Variants in ADGRB3 observed in about 807,000 individuals in gnomAD.
ADGRB3 encodes the protein adhesion G protein-coupled receptor B3.
ADGRB3 carries 37 observed loss-of-function variants against 193.4 expected under a neutral mutation model. That is an observed-to-expected ratio of 0.19 (90% CI 0.15 to 0.25). The LOEUF (loss-of-function observed/expected upper bound fraction) is 0.25. Ranked by LOEUF, ADGRB3 falls within the 10% of genes least tolerant of loss-of-function variation. ADGRB3 has a pLI of 1.00. For synonymous variants in ADGRB3, 690 were observed against 644.2 expected (o/e 1.07, Z -1.08); for missense variants, 1,637 against 1,852.9 (o/e 0.88, Z 2.14).
At chr6:68,965,459 TG>T (rs2150260574) in intron 8 of ADGRB3, among the ~76,000 whole-genome samples, 1 of 152,196 alleles carries the variant, frequency 6.6e-6, no homozygotes, top group South Asian at 2.1e-4. Flanking sequence ...TTTTTTTGTG[TG>T]TGTGTATATC....
At chr6:68,710,852 C>T (rs913743649) in intron 3 of ADGRB3, among the ~76,000 whole-genome samples, 3 of 152,074 alleles carry the variant, frequency 2.0e-5, no homozygotes, top group Admixed American at 6.6e-5. Context: ...GGTGTGTAGT[C>T]CACAGTTTTA....
intron 13 of ADGRB3, among the ~76,000 whole-genome samples, chr6:69,045,008 A>G (rs746227596): frequency 2.0e-5 from 3 of 152,196 alleles, no homozygotes; most frequent in Non-Finnish European, 4.4e-5. Context: ...ATGTCCCTTT[A>G]TCAGCATGAG....
rs369539582 is a variant in ADGRB3, at chr6:68,648,723, C to A, written c.757+9291C>A. 7.4e-4 allele frequency among the ~76,000 whole-genome samples: 110 copies of A among 148,404 alleles called. 2 individuals are homozygous for A. In the Middle Eastern group the frequency reaches 0.014, roughly 18 times the overall value. ...GGTGGTTCATACTAGATGAGTAGTA[C>A]ACAATATTCATTTCATGACATTTCT... is the stretch of plus-strand genomic sequence containing the variant. On this transcript the variant is annotated intron_variant, in intron 3 of 31. Coordinates refer to ENST00000370598, the MANE Select transcript of ADGRB3 (RefSeq NM_001704.3).
At chr6:68,756,027 G>T (rs1414967242) in intron 3 of ADGRB3, among the ~76,000 whole-genome samples, 2 of 152,114 alleles carry the variant, frequency 1.3e-5, no homozygotes, top group African/African-American at 4.8e-5. Flanking sequence ...ATTAGGAAGA[G>T]CTTTTAGAAA....
intron 3 of ADGRB3, among the ~76,000 whole-genome samples, chr6:68,665,028 T>G (rs1768766077): frequency 6.6e-6 from 1 of 151,794 alleles, no homozygotes; most frequent in Admixed American, 6.6e-5. Flanking sequence ...AGTCACGAGA[T>G]CTCTCCCCTC....
At chr6:68,786,682 T>C (rs1044503456) in intron 3 of ADGRB3, among the ~76,000 whole-genome samples, 4 of 151,482 alleles carry the variant, frequency 2.6e-5, no homozygotes, top group African/African-American at 9.7e-5. Context: ...TTTTTCCAAT[T>C]CTGTGAAGAA....
intron 26 of ADGRB3, among the ~76,000 whole-genome samples, chr6:69,353,547 TA>T (rs70987462): frequency 0.057 from 8,632 of 152,318 alleles, 339 homozygotes; most frequent in Non-Finnish European, 0.086. Context: ...TTAAAGCTGT[TA>T]TGAAGATAAT....
At chr6:69,305,196 A>G (rs1768038796) in intron 20 of ADGRB3, among the ~76,000 whole-genome samples, 3 of 151,558 alleles carry the variant, frequency 2.0e-5, no homozygotes. Flanking sequence ...TAGGAATTTT[A>G]TTATTGAAAA....
intron 3 of ADGRB3, among the ~76,000 whole-genome samples, chr6:68,898,913 T>C (rs1327113977): frequency 6.6e-6 from 1 of 152,162 alleles, no homozygotes; most frequent in East Asian, 1.9e-4. Flanking sequence ...GTCTAAAATT[T>C]GTCACAACAA....
intron 20 of ADGRB3, among the ~76,000 whole-genome samples, chr6:69,254,523 A>G (rs1217816133): frequency 6.6e-6 from 1 of 152,106 alleles, no homozygotes. Context: ...AGTATGTAGC[A>G]TAACTATCTT....
chr6:68,920,035 C>CA (rs1453419052), intron 3 of ADGRB3, among the ~76,000 whole-genome samples: 12 of 152,036 alleles, frequency 7.9e-5, no homozygotes, highest in African/African-American at 2.9e-4. Flanking sequence ...GGCGGTAACT[C>CA]AGAGCATCCA....
At chr6:69,025,091 CAAAA>C (rs66494212) in intron 13 of ADGRB3, among the ~76,000 whole-genome samples, 13 of 141,422 alleles carry the variant, frequency 9.2e-5, no homozygotes, top group East Asian at 4.2e-4. Flanking sequence ...GACTCCGTCT[CAAAA>C]AAAAAAAAAA....
intron 17 of ADGRB3, among the ~76,000 whole-genome samples, chr6:69,225,409 A>G (rs1176632722): frequency 6.6e-6 from 1 of 152,106 alleles, no homozygotes; most frequent in Non-Finnish European, 1.5e-5. Flanking sequence ...ACCATTTCTG[A>G]GTACTCTTCC....
At chr6:69,022,864 G>A (rs1770313237) in intron 13 of ADGRB3, among the ~76,000 whole-genome samples, 1 of 151,918 alleles carries the variant, frequency 6.6e-6, no homozygotes, top group South Asian at 2.1e-4. Context: ...GAATGACAAG[G>A]CAAGGGAATG....
chr6:69,351,808 C>T (rs2127326144), intron 26 of ADGRB3, among the ~76,000 whole-genome samples: 1 of 152,272 alleles, frequency 6.6e-6, no homozygotes, highest in East Asian at 1.9e-4. Flanking sequence ...TTCCATATTT[C>T]ATAGTCAGCC....
chr6:68,760,489 A>G (rs958031971), intron 3 of ADGRB3, among the ~76,000 whole-genome samples: 1 of 152,254 alleles, frequency 6.6e-6, no homozygotes, highest in Admixed American at 6.5e-5. Flanking sequence ...TGCTCTGACC[A>G]GAACCAAAGA....
At chr6:69,200,641 C>G (rs1262591906) in intron 17 of ADGRB3, among the ~76,000 whole-genome samples, 1 of 152,068 alleles carries the variant, frequency 6.6e-6, no homozygotes, top group African/African-American at 2.4e-5. Context: ...ATGGAAGCAG[C>G]TGTGAGATCT....
At chr6:69,059,344 G>A (rs1771647300) in intron 15 of ADGRB3, among the ~76,000 whole-genome samples, 1 of 151,970 alleles carries the variant, frequency 6.6e-6, no homozygotes, top group Non-Finnish European at 1.5e-5. Context: ...GTCTATGGAT[G>A]CCCTTATATA....
chr6:68,901,628 T>C (rs1204290718), intron 3 of ADGRB3, among the ~76,000 whole-genome samples: 1 of 152,178 alleles, frequency 6.6e-6, no homozygotes, highest in African/African-American at 2.4e-5. Context: ...ATAGTACCAG[T>C]GTATAATTTT....
Sources: gnomAD v4.1 joint callset for allele counts (sites outside exome capture counted in the v4.1 genomes callset) on GRCh38, gnomAD v4.1.1 for gene constraint, MANE v1.5 for transcripts, NCBI Gene and HGNC (gene_info 2026-07-23, HGNC 2026-07-21) for gene names.